The following DENND1A variants were observed in gnomAD, a reference collection of about 807,000 sequenced individuals.
The protein encoded by DENND1A is DENN domain-containing protein 1A.
Under a neutral mutation model 113.7 loss-of-function variants are expected in DENND1A, and 51 were observed. The ratio of observed to expected loss-of-function variants is 0.45; its 90% confidence interval spans 0.36 to 0.57. The LOEUF (loss-of-function observed/expected upper bound fraction) is 0.57, where lower values mean the gene tolerates loss of function less well. Among genes scored for constraint, DENND1A ranks in the 20% least tolerant of loss-of-function variants. DENND1A has a pLI of 0.00. For synonymous variants in DENND1A, 565 were observed against 570.8 expected, an observed-to-expected ratio of 0.99 and a Z score of 0.14; for missense variants, 1,258 against 1,395.9, an observed-to-expected ratio of 0.90 and a Z score of 1.57.
intron 11 of DENND1A, among the ~76,000 whole-genome samples, chr9:123,590,512 A>T (rs1198237696): frequency 1.3e-5 from 2 of 152,242 alleles, no homozygotes; most frequent in Middle Eastern, 3.4e-3. Context: ...GGGGATGATA[A>T]CCGTACCTAC....
intron 13 of DENND1A, chr9:123,492,795 G>A (rs1424599487): frequency 1.3e-5 from 2 of 152,184 alleles, no homozygotes; most frequent in Admixed American, 6.5e-5. Flanking sequence ...GCGCTGGAGT[G>A]TCACCCTCCA....
At chr9:123,869,799 G>A (rs1052415191) in intron 2 of DENND1A, among the ~76,000 whole-genome samples, 101 of 151,912 alleles carry the variant, frequency 6.6e-4, no homozygotes, top group South Asian at 6.2e-4. Context: ...CCAGGAGTTC[G>A]TGACCAGCCT....
At chr9:123,841,555 C>A (rs1841841563) in intron 2 of DENND1A, among the ~76,000 whole-genome samples, 1 of 152,110 alleles carries the variant, frequency 6.6e-6, no homozygotes, top group Admixed American at 6.5e-5. Context: ...GAAGCTCAGG[C>A]AAACTAACAA....
intron 2 of DENND1A, among the ~76,000 whole-genome samples, chr9:123,876,801 A>G (rs1847535568): frequency 6.6e-6 from 1 of 152,256 alleles, no homozygotes; most frequent in East Asian, 1.9e-4. Context: ...TATTTACAAT[A>G]GCAAAGATAC....
At chr9:123,534,176 T>C (rs1169250723) in intron 13 of DENND1A, among the ~76,000 whole-genome samples, 2 of 152,188 alleles carry the variant, frequency 1.3e-5, no homozygotes, top group African/African-American at 4.8e-5. Context: ...CTTCCTCACA[T>C]TGTCTTAAGA....
chr9:123,841,187 TGTTA>T (rs1257911561), intron 2 of DENND1A, among the ~76,000 whole-genome samples: 1 of 152,220 alleles, frequency 6.6e-6, no homozygotes, highest in Non-Finnish European at 1.5e-5. Flanking sequence ...CCGTACACTT[TGTTA>T]TTGTTATACC....
chr9:123,445,320 G>C (rs1441307147), intron 18 of DENND1A, among the ~76,000 whole-genome samples: 2 of 152,254 alleles, frequency 1.3e-5, no homozygotes, highest in African/African-American at 4.8e-5. Context: ...CAGGGAGGCA[G>C]ACAGCAGGGC....
chr9:123,428,043 C>T (rs1244968838), intron 19 of DENND1A, among the ~76,000 whole-genome samples: 1 of 152,202 alleles, frequency 6.6e-6, no homozygotes, highest in African/African-American at 2.4e-5. Context: ...GTGGCTCACG[C>T]CTGTAATCCC....
At chr9:123,574,103 T>G (rs532726771) in intron 12 of DENND1A, among the ~76,000 whole-genome samples, 5 of 151,974 alleles carry the variant, frequency 3.3e-5, no homozygotes, top group Non-Finnish European at 7.4e-5. Context: ...TATCCTTTTT[T>G]ATATATTGCT....
chr9:123,546,225 C>G (rs1048067136), intron 13 of DENND1A, among the ~76,000 whole-genome samples: 1 of 152,096 alleles, frequency 6.6e-6, no homozygotes, highest in African/African-American at 2.4e-5. Context: ...CTCTCAGGTT[C>G]TAAGATGAAG....
intron 2 of DENND1A, among the ~76,000 whole-genome samples, chr9:123,807,228 A>C (rs1835741834): frequency 6.6e-6 from 1 of 152,124 alleles, no homozygotes; most frequent in Admixed American, 6.5e-5. Context: ...TTATATTCTG[A>C]ATTTTCTATA....
At chr9:123,457,752 G>A (rs116974312) in intron 14 of DENND1A, 41 bp downstream of exon 14, 23 of 1,551,278 alleles carry the variant, frequency 1.5e-5, no homozygotes, top group African/African-American at 4.1e-5. Flanking sequence ...AGAAATCCCC[G>A]CCAGGGAGCC....
At chr9:123,854,037 T>C (rs1306352834) in intron 2 of DENND1A, among the ~76,000 whole-genome samples, 1 of 152,204 alleles carries the variant, frequency 6.6e-6, no homozygotes, top group Non-Finnish European at 1.5e-5. Flanking sequence ...TCAATCACAC[T>C]GTACACATAA....
chr9:123,612,796 T>C (rs376365431), intron 10 of DENND1A, among the ~76,000 whole-genome samples: 41 of 152,316 alleles, frequency 2.7e-4, no homozygotes, highest in African/African-American at 7.0e-4. Context: ...TGTTATATCC[T>C]AGCAAAGCAT....
chr9:123,452,394 TC>T (rs750568151), intron 16 of DENND1A, 47 bp from the exon 17 acceptor site: 2 of 1,466,048 alleles, frequency 1.4e-6, no homozygotes, highest in East Asian at 4.5e-5. Context: ...GACAGAGTCA[TC>T]CAACACCAAC....
At chr9:123,572,596 C>T (rs2058420316) in intron 12 of DENND1A, among the ~76,000 whole-genome samples, 1 of 152,106 alleles carries the variant, frequency 6.6e-6, no homozygotes, top group South Asian at 2.1e-4. Flanking sequence ...TTTTCATGTG[C>T]ATGTTGTGAT....
At position 123,639,607 on chromosome 9, in the gene DENND1A, G is replaced by A. The variant is rs553931803; in HGVS notation, c.619-9131C>T. 8.3e-4 allele frequency among the ~76,000 whole-genome samples: 125 copies of A among 151,398 alleles called. No individual in the cohort carries two copies. The South Asian group carries it at 0.01, about 13-fold the overall frequency. ...AGCCTGACCAACATGGAAAAACCCC[G>A]TCTCTACTAAAAATACAAAATTAGC... On this transcript the variant is annotated intron_variant, in intron 9 of 23. Transcript: ENST00000394215.
At chr9:123,526,481 C>T (rs2054855986) in intron 13 of DENND1A, among the ~76,000 whole-genome samples, 1 of 152,216 alleles carries the variant, frequency 6.6e-6, no homozygotes, top group South Asian at 2.1e-4. Flanking sequence ...CCCATGTCTT[C>T]CCTCAGCCCT....
At chr9:123,427,204 G>A (rs1471463979) in intron 19 of DENND1A, among the ~76,000 whole-genome samples, 1 of 152,228 alleles carries the variant, frequency 6.6e-6, no homozygotes, top group African/African-American at 2.4e-5. Flanking sequence ...ACTACCAGAT[G>A]GATTCTGTCC....
Sources: allele counts gnomAD v4.1 joint callset (sites outside exome capture counted in the v4.1 genomes callset), GRCh38; gene constraint gnomAD v4.1.1; transcripts MANE v1.5; gene names NCBI Gene and HGNC (gene_info 2026-07-23, HGNC 2026-07-21).